Variants in ZNF395 observed in about 807,000 individuals in gnomAD.
The protein encoded by ZNF395 is zinc finger protein 395.
A neutral mutation model predicts 57.7 loss-of-function variants in ZNF395; 20 were observed. That is an observed-to-expected ratio of 0.35 (90% CI 0.24 to 0.50). The LOEUF (loss-of-function observed/expected upper bound fraction) is 0.50. Among genes scored for constraint, ZNF395 ranks in the 20% least tolerant of loss-of-function variants. The pLI is 0.97. For missense variants in ZNF395, 606 were observed against 671.2 expected (o/e 0.90, Z 1.07); for synonymous variants, 295 against 275.9 (o/e 1.07, Z -0.69).
Position 28,361,131 on chromosome 8 carries a change from G to T in ZNF395, c.-7C>A. 6.2e-7 allele frequency: 1 copy of T among 1,611,420 alleles called. No individual in the cohort carries two copies. The highest frequency in any genetic ancestry group is 8.5e-7 in the Non-Finnish European group (1 of 1,180,006). The stretch of plus-strand genomic sequence containing the variant: ...GGGACAGGACACTCGCCATGCTGCT[G>T]CCTCTCCTCTCCTGCGGAGGCGAAG... On this transcript the variant is annotated 5_prime_UTR_variant, in exon 2 of 10. Transcript: ENST00000344423.
intron 1 of ZNF395, among the ~76,000 whole-genome samples, chr8:28,374,434 T>C (rs1802015893): frequency 6.6e-6 from 1 of 152,204 alleles, no homozygotes; most frequent in South Asian, 2.1e-4. Flanking sequence ...AGAGAATGTG[T>C]TCGTGTACTA....
chr8:28,357,498 G>A (rs1585854321), intron 3 of ZNF395, among the ~76,000 whole-genome samples: 1 of 152,244 alleles, frequency 6.6e-6, no homozygotes, highest in Non-Finnish European at 1.5e-5. Flanking sequence ...CTGTCTACAA[G>A]TTAATGCTAA....
At position 28,366,313 on chromosome 8, in the gene ZNF395, G is replaced by A. The variant is rs188802765; in HGVS notation, c.-58-5131C>T. 3.3e-5 allele frequency among the ~76,000 whole-genome samples: 5 copies of A among 152,274 alleles called. No individual in the cohort carries two copies. The East Asian group carries it at 9.6e-4, about 29-fold the overall frequency. On this transcript the variant is annotated intron_variant, in intron 1 of 9. Transcript: ENST00000344423. ...GGAACAACAGTTTAAGTTTTTAGGT[G>A]TTTGGTTAATATTTAACCATATCAT...
Position 28,348,669 on chromosome 8 carries a change from G to C in ZNF395, c.*50C>G. On this transcript the variant is annotated 3_prime_UTR_variant, in exon 10 of 10. Transcript: ENST00000344423. ...AGGGCTGGTGACACACTGGCCTCTT[G>C]TCAGTGGCTGCCGGCAGGGCCAGGA... is the stretch of plus-strand genomic sequence containing the variant. 1 of 1,541,392 alleles carries C rather than the reference G, an allele frequency of 6.5e-7. No individual in the cohort carries two copies.
chr8:28,349,828 T>C lies in ZNF395; in HGVS notation c.1326+236A>G, dbSNP rs532611650. On this transcript the variant is annotated intron_variant, in intron 8 of 9. Coordinates refer to ENST00000344423, the MANE Select transcript of ZNF395 (RefSeq NM_018660.3). Reference sequence around the variant, plus strand: ...TTTTCTTGGCAAGAAACCTGCTTGCTCTGGACATCCTCTACAAGCGCCTCC... The same window carrying C: ...TTTTCTTGGCAAGAAACCTGCTTGCCCTGGACATCCTCTACAAGCGCCTCC... 1.3e-3 allele frequency among the ~76,000 whole-genome samples: 198 copies of C among 152,340 alleles called. 2 individuals are homozygous for C. Among genetic ancestry groups the C allele is most frequent in the Non-Finnish European group, 7.3e-4 (50 of 68,028 alleles).
chr8:28,350,198 A>G, intron 7 of ZNF395, 42 bp from the exon 8 acceptor site: 1 of 1,528,404 alleles, frequency 6.5e-7, no homozygotes, highest in Non-Finnish European at 8.9e-7. Flanking sequence ...TAGCTCAGGA[A>G]GTGTTCAGAG....
intron 1 of ZNF395, among the ~76,000 whole-genome samples, chr8:28,364,847 C>A (rs1219896291): frequency 6.6e-6 from 1 of 152,168 alleles, no homozygotes; most frequent in African/African-American, 2.4e-5. Context: ...TTGAAAAAAT[C>A]TCTTCTCCAC....
chr8:28,373,805 A>G (rs897147037), intron 1 of ZNF395, among the ~76,000 whole-genome samples: 4 of 152,168 alleles, frequency 2.6e-5, no homozygotes, highest in Non-Finnish European at 5.9e-5. Context: ...GCATCCACCT[A>G]GCACACTCTA....
At position 28,348,582 on chromosome 8, in the gene ZNF395, T is replaced by C; in HGVS notation, c.*137A>G. The C allele has an allele frequency of 2.8e-6, 2 of 727,128 alleles. No individual in the cohort carries two copies. The highest frequency in any genetic ancestry group is 4.8e-6 in the Non-Finnish European group (2 of 413,636). The allele number at this position is 727,128 out of a possible 1,614,324, so 45.0% of individuals were successfully genotyped here. A position where few individuals can be genotyped will look rare whatever the true frequency, so the allele number is the denominator to read the frequency against. ...AATGGGAGAAAATTGCTTTAAGTGT[T>C]ACACCTTAGCCAACAGAGCCCAAAC... On this transcript the variant is annotated 3_prime_UTR_variant, in exon 10 of 10. Transcript: ENST00000344423.
chr8:28,350,160 C>T lies in ZNF395; in HGVS notation c.1234-4G>A, dbSNP rs373558159. ...GGATCTGGAAGGATGGCAGAGCCTG[C>T]GGAAGACGAGGGTGTCAGCCCGGAT... is the stretch of plus-strand genomic sequence containing the variant. On this transcript the variant is annotated splice_polypyrimidine_tract_variant and splice_region_variant and intron_variant, in intron 7 of 9. Coordinates refer to ENST00000344423, the MANE Select transcript of ZNF395 (RefSeq NM_018660.3). The T allele has an allele frequency of 9.4e-6, 15 of 1,599,568 alleles. No homozygotes were observed. Among genetic ancestry groups the T allele is most frequent in the Admixed American group, 5.2e-5 (3 of 57,634 alleles).
chr8:28,352,669 G>GTGATGTACCTTC lies in ZNF395; in HGVS notation c.823_824insGAAGGTACATCA (p.Ser275delinsTer). ...CAGGCACTTGTACATCACCTTCACA[G>GTGATGTACCTTC]AGTTCTACAGGAAAGGAAGACAGGG... is the stretch of plus-strand genomic sequence containing the variant. On this transcript the variant is annotated stop_gained, in exon 6 of 10. Transcript: ENST00000344423. LOFTEE classifies it high-confidence loss of function. This position sits in a 1 kb window ranked among gnomAD's most constrained non-coding sequence, Gnocchi z 4.0. The GTGATGTACCTTC allele has an allele frequency of 6.2e-7, 1 of 1,613,822 alleles. No individual in the cohort carries two copies.
chr8:28,361,857 T>C (rs1801853861), intron 1 of ZNF395, among the ~76,000 whole-genome samples: 1 of 152,102 alleles, frequency 6.6e-6, no homozygotes, highest in African/African-American at 2.4e-5. Flanking sequence ...TTTGGGAGGC[T>C]GAGATAGATG....
At chr8:28,364,428 G>A (rs1801885645) in intron 1 of ZNF395, among the ~76,000 whole-genome samples, 1 of 152,238 alleles carries the variant, frequency 6.6e-6, no homozygotes, top group Admixed American at 6.5e-5. Flanking sequence ...AAGGCAGGCA[G>A]ATCACTTGAG....
chr8:28,351,146 G>A (rs1172350806), intron 7 of ZNF395, among the ~76,000 whole-genome samples: 1 of 152,168 alleles, frequency 6.6e-6, no homozygotes, highest in African/African-American at 2.4e-5. Flanking sequence ...TCTGTCCACA[G>A]AACACAATTC....
chr8:28,375,120 C>G (rs1802024854), intron 1 of ZNF395: 1 of 152,350 alleles, frequency 6.6e-6, no homozygotes. Flanking sequence ...GCACAGGTAG[C>G]TCATGCCTGT....
Position 28,358,785 on chromosome 8 carries a change from T to C in ZNF395, c.473+807A>G, listed in dbSNP as rs1010425605. Among the ~76,000 whole-genome samples, 4 of 152,290 alleles carry C rather than the reference T, an allele frequency of 2.6e-5. No homozygotes were observed. In the South Asian group the frequency reaches 8.3e-4, roughly 32 times the overall value. ...CTTGACATGTGACACATGGAAAGTATATAAAACTAAAATTTGAGGGTCCAT... is the reference window on the plus strand; with the variant it reads ...CTTGACATGTGACACATGGAAAGTACATAAAACTAAAATTTGAGGGTCCAT... On this transcript the variant is annotated intron_variant, in intron 3 of 9. Coordinates refer to ENST00000344423, the MANE Select transcript of ZNF395 (RefSeq NM_018660.3).
intron 1 of ZNF395, among the ~76,000 whole-genome samples, chr8:28,373,080 T>C (rs933400794): frequency 1.3e-5 from 2 of 152,226 alleles, no homozygotes; most frequent in Admixed American, 6.5e-5. Context: ...ATTTGGACAG[T>C]GAATGAATGC....
intron 3 of ZNF395, among the ~76,000 whole-genome samples, chr8:28,357,040 C>T (rs1054942202): frequency 6.6e-6 from 1 of 152,124 alleles, no homozygotes; most frequent in African/African-American, 2.4e-5. Flanking sequence ...CGGTATAAGC[C>T]GCTGGGTCTC....
chr8:28,374,578 G>A (rs1802018746), intron 1 of ZNF395, among the ~76,000 whole-genome samples: 1 of 152,156 alleles, frequency 6.6e-6, no homozygotes, highest in African/African-American at 2.4e-5. Context: ...GGGGCTGTGA[G>A]CTCAGCAGTG....
Sources: gnomAD v4.1 joint callset for allele counts (sites outside exome capture counted in the v4.1 genomes callset) on GRCh38, gnomAD v4.1.1 for gene constraint, Gnocchi (gnomAD v3.1) non-coding constraint, MANE v1.5 for transcripts, NCBI Gene and HGNC (gene_info 2026-07-23, HGNC 2026-07-21) for gene names.